Variants in PTPRD observed in about 807,000 individuals in gnomAD.
PTPRD encodes the protein receptor-type tyrosine-protein phosphatase delta.
Under a neutral mutation model 214.5 loss-of-function variants are expected in PTPRD, and 34 were observed. That is an observed-to-expected ratio of 0.16 (90% CI 0.12 to 0.21). PTPRD has a LOEUF of 0.21. Among genes scored for constraint, PTPRD ranks in the 10% least tolerant of loss-of-function variants. The pLI, the probability that PTPRD is intolerant of heterozygous loss-of-function variation, is 1.00. For missense variants in PTPRD, 2,545 were observed against 2,398.7 expected, an observed-to-expected ratio of 1.06 and a Z score of -1.27; for synonymous variants, 1,128 against 845.7, an observed-to-expected ratio of 1.33 and a Z score of -5.79.
chr9:8,892,239 A>C (rs2098545915), intron 11 of PTPRD, among the ~76,000 whole-genome samples: 1 of 150,394 alleles, frequency 6.6e-6, no homozygotes, highest in African/African-American at 2.5e-5. Context: ...AACTCCTTGG[A>C]TTCTGGCATA....
chr9:9,448,203 A>G (rs2091071073), intron 8 of PTPRD, among the ~76,000 whole-genome samples: 1 of 152,050 alleles, frequency 6.6e-6, no homozygotes, highest in Admixed American at 6.6e-5. Context: ...ATCAAATCAC[A>G]TTTATACACT....
At chr9:9,965,035 T>C (rs2094589414) in intron 4 of PTPRD, among the ~76,000 whole-genome samples, 1 of 152,168 alleles carries the variant, frequency 6.6e-6, no homozygotes, top group African/African-American at 2.4e-5. Flanking sequence ...ATTTCAACAA[T>C]GTGTAATAAA....
intron 5 of PTPRD, among the ~76,000 whole-genome samples, chr9:9,864,792 A>G (rs75860652): frequency 0.085 from 12,903 of 152,158 alleles, 1,310 homozygotes; most frequent in African/African-American, 0.25. Context: ...AGGATTGCAG[A>G]CATGAACCAC....
At chr9:8,840,781 G>T (rs939038548) in intron 11 of PTPRD, among the ~76,000 whole-genome samples, 2 of 152,012 alleles carry the variant, frequency 1.3e-5, no homozygotes, top group Non-Finnish European at 2.9e-5. Flanking sequence ...ATAATTAAAT[G>T]ATTGAAAATG....
intron 14 of PTPRD, among the ~76,000 whole-genome samples, chr9:8,562,521 C>T (rs2086806546): frequency 6.6e-6 from 1 of 152,060 alleles, no homozygotes; most frequent in Non-Finnish European, 1.5e-5. Context: ...CCTGCAACCT[C>T]GAACTCCCAG....
chr9:9,270,634 G>C (rs993780533), intron 9 of PTPRD, among the ~76,000 whole-genome samples: 1 of 151,318 alleles, frequency 6.6e-6, no homozygotes, highest in Admixed American at 6.6e-5. Context: ...TGCAAAAGAA[G>C]AGCCATAGAA....
chr9:10,077,830 CTT>C (rs60983926), intron 3 of PTPRD, among the ~76,000 whole-genome samples: 4,867 of 147,028 alleles, frequency 0.033, 196 homozygotes, highest in African/African-American at 0.094. Flanking sequence ...CATGATCTCT[CTT>C]TTTTTTTTTT....
At chr9:9,393,313 T>C (rs145441756) in intron 9 of PTPRD, among the ~76,000 whole-genome samples, 44 of 152,276 alleles carry the variant, frequency 2.9e-4, no homozygotes, top group Admixed American at 3.3e-4. Context: ...GCAAGCTTGA[T>C]ACCAGGAGAG....
At chr9:10,416,915 A>T (rs1242895792) in intron 2 of PTPRD, among the ~76,000 whole-genome samples, 2 of 151,912 alleles carry the variant, frequency 1.3e-5, no homozygotes, top group Admixed American at 6.6e-5. Context: ...TAATTGTTTG[A>T]TGCTATTAAA....
intron 3 of PTPRD, among the ~76,000 whole-genome samples, chr9:10,150,646 C>T (rs1030672690): frequency 2.1e-5 from 3 of 145,088 alleles, no homozygotes; most frequent in Non-Finnish European, 4.5e-5. Context: ...TACCCTAGAA[C>T]TTAAAGTAAA....
chr9:10,113,562 C>A (rs921708157), intron 3 of PTPRD, among the ~76,000 whole-genome samples: 5 of 152,064 alleles, frequency 3.3e-5, no homozygotes, highest in Admixed American at 2.0e-4. Flanking sequence ...ACCTAGGGAG[C>A]TTAATAAACA....
At chr9:8,612,922 G>C (rs964778519) in intron 14 of PTPRD, among the ~76,000 whole-genome samples, 8 of 152,058 alleles carry the variant, frequency 5.3e-5, no homozygotes, top group African/African-American at 1.9e-4. Context: ...GATTGGGTAT[G>C]GCATTGTTAT....
intron 12 of PTPRD, chr9:8,713,794 C>T: frequency 1.3e-6 from 2 of 1,534,582 alleles, no homozygotes; most frequent in South Asian, 1.2e-5. Context: ...CCTGCGCCTT[C>T]AGCACAAGCC....
intron 10 of PTPRD, among the ~76,000 whole-genome samples, chr9:9,125,829 A>C (rs2099830880): frequency 6.6e-6 from 1 of 152,180 alleles, no homozygotes; most frequent in Admixed American, 6.5e-5. Flanking sequence ...AGTATCATCA[A>C]ATAAAGACTC....
At chr9:9,853,240 G>A (rs944589529) in intron 5 of PTPRD, among the ~76,000 whole-genome samples, 1 of 152,172 alleles carries the variant, frequency 6.6e-6, no homozygotes, top group African/African-American at 2.4e-5. Context: ...CAGCATAGGA[G>A]CTATAGACAA....
intron 12 of PTPRD, among the ~76,000 whole-genome samples, chr9:8,685,724 G>A (rs528924184): frequency 6.6e-6 from 1 of 152,320 alleles, no homozygotes; most frequent in East Asian, 1.9e-4. Flanking sequence ...CAACAGCACA[G>A]CCACAGAAGA....
chr9:8,926,487 T>C (rs2098894630), intron 11 of PTPRD, among the ~76,000 whole-genome samples: 1 of 152,182 alleles, frequency 6.6e-6, no homozygotes, highest in Non-Finnish European at 1.5e-5. Flanking sequence ...TGGTTTCTCC[T>C]ATGTGACCCT....
At chr9:10,244,103 C>CTT (rs398113228) in intron 3 of PTPRD, among the ~76,000 whole-genome samples, 13 of 150,852 alleles carry the variant, frequency 8.6e-5, no homozygotes, top group East Asian at 7.9e-4. Context: ...CTACTAATCA[C>CTT]TTTTTTTTTC....
intron 10 of PTPRD, among the ~76,000 whole-genome samples, chr9:9,053,858 G>A (rs187068266): frequency 1.3e-5 from 2 of 152,200 alleles, no homozygotes; most frequent in African/African-American, 2.4e-5. Context: ...ACAATCTTTT[G>A]TTATGGATTG....
Sources: allele counts gnomAD v4.1 joint callset (sites outside exome capture counted in the v4.1 genomes callset), GRCh38; gene constraint gnomAD v4.1.1; transcripts MANE v1.5; gene names NCBI Gene and HGNC (gene_info 2026-07-23, HGNC 2026-07-21).